EYA1: variants seen among roughly 807,000 people sequenced by gnomAD.
EYA1 encodes the protein EYA transcriptional coactivator and phosphatase 1, also known as protein phosphatase EYA1.
EYA1 carries 16 observed loss-of-function variants against 82.0 expected under a neutral mutation model. The ratio of observed to expected loss-of-function variants is 0.20; its 90% CI spans 0.13 to 0.30. The LOEUF (loss-of-function observed/expected upper bound fraction) is 0.30, where lower values mean the gene tolerates loss of function less well. Ranked by LOEUF, EYA1 falls within the 10% of genes least tolerant of loss-of-function variation. EYA1 has a pLI of 1.00. For synonymous variants in EYA1, 261 were observed against 264.4 expected, an observed-to-expected ratio of 0.99 and a Z score of 0.12; for missense variants, 633 against 730.7, an observed-to-expected ratio of 0.87 and a Z score of 1.54.
chr8:71,510,384 C>T (rs1646850357), intron 2 of EYA1, among the ~76,000 whole-genome samples: 1 of 152,114 alleles, frequency 6.6e-6, no homozygotes, highest in African/African-American at 2.4e-5. Flanking sequence ...TTTTATGTGG[C>T]ACTGTATTAG....
In EYA1 at chr8:71,445,014, ACT is replaced by A. The variant is rs374230113; in HGVS notation, c.34-88505_34-88504del. Among the ~76,000 whole-genome samples the A allele has an allele frequency of 1.0e-3, 154 of 151,390 alleles. 1 individual carries two copies. Among genetic ancestry groups the A allele is most frequent in the African/African-American group, 3.2e-3 (131 of 41,300 alleles). On this transcript the variant is annotated intron_variant, in intron 2 of 18. Coordinates refer to the EYA1 transcript ENST00000643681. ...AACTCAAATCAGACCCTATCAAAAAACTCTCTGAGTTTTCACAAGATAATTTG... is the reference window on the plus strand; with the variant it reads ...AACTCAAATCAGACCCTATCAAAAAACTCTGAGTTTTCACAAGATAATTTG...
intron 3 of EYA1, among the ~76,000 whole-genome samples, chr8:71,338,138 T>C (rs181970750): frequency 8.6e-5 from 13 of 151,806 alleles, no homozygotes; most frequent in African/African-American, 2.9e-4. Context: ...AAAGTTAAGC[T>C]TCCCCTTTAA....
chr8:71,388,861 C>T (rs1420176931), intron 2 of EYA1, among the ~76,000 whole-genome samples: 1 of 152,056 alleles, frequency 6.6e-6, no homozygotes, highest in Non-Finnish European at 1.5e-5. Context: ...CTGACTGGTC[C>T]TGGTTATCAA....
upstream of EYA1, chr8:71,362,315 C>T: frequency 1.7e-6 from 1 of 580,584 alleles, no homozygotes; most frequent in Non-Finnish European, 2.2e-6. Flanking sequence ...AATGAACGCG[C>T]CCCACGCTAT....
intron 12 of EYA1, among the ~76,000 whole-genome samples, chr8:71,236,855 A>C (rs1027912965): frequency 1.3e-5 from 2 of 152,230 alleles, no homozygotes; most frequent in African/African-American, 4.8e-5. Context: ...GTGATGCTAA[A>C]AGTGGAATTT....
chr8:71,397,369 G>A (rs1311171159), intron 2 of EYA1, among the ~76,000 whole-genome samples: 2 of 152,220 alleles, frequency 1.3e-5, no homozygotes, highest in East Asian at 3.8e-4. Context: ...AGTTGATGCA[G>A]TTTCTTCCTA....
intron 2 of EYA1, among the ~76,000 whole-genome samples, chr8:71,444,432 A>G (rs1049711696): frequency 3.9e-5 from 6 of 152,360 alleles, no homozygotes; most frequent in African/African-American, 1.4e-4. Flanking sequence ...ACACTAGACC[A>G]TAGATTGAAA....
chr8:71,276,325 C>G (rs1352496676), intron 9 of EYA1, among the ~76,000 whole-genome samples: 1 of 152,118 alleles, frequency 6.6e-6, no homozygotes, highest in Non-Finnish European at 1.5e-5. Context: ...GCTCTTAGTG[C>G]TTGGTAATAT....
chr8:71,251,347 A>T (rs1256096900), intron 11 of EYA1, among the ~76,000 whole-genome samples: 1 of 152,244 alleles, frequency 6.6e-6, no homozygotes, highest in Non-Finnish European at 1.5e-5. Context: ...TCTTATGTAC[A>T]GGAAATTCTT....
intron 2 of EYA1, among the ~76,000 whole-genome samples, chr8:71,515,008 C>T (rs1268145712): frequency 6.6e-6 from 1 of 152,090 alleles, no homozygotes; most frequent in African/African-American, 2.4e-5. Flanking sequence ...TAAGACAACT[C>T]CTAATAATTA....
At chr8:71,237,452 TC>T (rs1811980583) in intron 12 of EYA1, among the ~76,000 whole-genome samples, 1 of 152,244 alleles carries the variant, frequency 6.6e-6, no homozygotes, top group South Asian at 2.1e-4. Flanking sequence ...TAATCTTAGT[TC>T]TTTGATTGGT....
chr8:71,526,326 T>C (rs1375589742), intron 2 of EYA1, among the ~76,000 whole-genome samples: 3 of 151,812 alleles, frequency 2.0e-5, no homozygotes, highest in Non-Finnish European at 4.4e-5. Flanking sequence ...TTAATTATAT[T>C]CATGATCAAG....
chr8:71,231,393 C>T (rs1332524384), intron 12 of EYA1, among the ~76,000 whole-genome samples: 1 of 152,174 alleles, frequency 6.6e-6, no homozygotes. Context: ...CTCACAAGCA[C>T]TCTCTGTGTG....
intron 2 of EYA1, among the ~76,000 whole-genome samples, chr8:71,482,718 A>C (rs1201003480): frequency 6.6e-6 from 1 of 152,226 alleles, no homozygotes; most frequent in South Asian, 2.1e-4. Context: ...AACTACTGAC[A>C]TACACGATAA....
intron 12 of EYA1, among the ~76,000 whole-genome samples, chr8:71,222,699 A>G (rs1382771814): frequency 5.3e-5 from 8 of 152,220 alleles, no homozygotes; most frequent in Non-Finnish European, 8.8e-5. Context: ...TAATGTTACA[A>G]CCCATTTTAC....
intron 9 of EYA1, among the ~76,000 whole-genome samples, chr8:71,283,430 T>C (rs915663336): frequency 3.3e-5 from 5 of 152,190 alleles, no homozygotes; most frequent in African/African-American, 9.7e-5. Flanking sequence ...GTGCCTCCAA[T>C]AGAATGTAAG....
chr8:71,364,991 TACAC>T (rs148126043), upstream of EYA1, among the ~76,000 whole-genome samples: 196 of 122,534 alleles, frequency 1.6e-3, no homozygotes, highest in Non-Finnish European at 2.8e-3. Context: ...TATATACATA[TACAC>T]ACACACACAC....
chr8:71,299,825 C>T (rs183661943), intron 7 of EYA1, 105 bp from the exon 8 acceptor site: 11 of 743,614 alleles, frequency 1.5e-5, no homozygotes, highest in East Asian at 2.5e-5. Flanking sequence ...GGTTTATCTT[C>T]GACACTAGAA....
At chr8:71,364,400 G>C (rs1464659313), upstream of EYA1, among the ~76,000 whole-genome samples, 2 of 151,882 alleles carry the variant, frequency 1.3e-5, no homozygotes, top group African/African-American at 4.8e-5. Context: ...CTATGATAAA[G>C]AGCCACATTT....
Sources: gnomAD v4.1 joint callset for allele counts (sites outside exome capture counted in the v4.1 genomes callset) on GRCh38, gnomAD v4.1.1 for gene constraint, MANE v1.5 for transcripts, NCBI Gene and HGNC (gene_info 2026-07-23, HGNC 2026-07-21) for gene names.